The following ICMT variants were observed in gnomAD, a reference collection of about 807,000 sequenced individuals.
ICMT encodes protein-S-isoprenylcysteine O-methyltransferase.
In ICMT, 10 loss-of-function variants were observed where a neutral mutation model predicts 32.2. The ratio of observed to expected loss-of-function variants is 0.31; its 90% CI spans 0.19 to 0.53. ICMT has a LOEUF of 0.53. Among genes scored for constraint, ICMT ranks in the 20% least tolerant of loss-of-function variants. ICMT has a pLI of 0.96. For missense variants in ICMT, 265 were observed against 356.9 expected (o/e 0.74, Z 2.07); for synonymous variants, 183 against 158.2 (o/e 1.16, Z -1.18).
Position 6,231,936 on chromosome 1 carries a change from TAAG to T in ICMT, c.635_637del (p.Ser212del). On this transcript the variant is annotated inframe_deletion, in exon 4 of 5. Coordinates refer to ENST00000343813, the MANE Select transcript of ICMT (RefSeq NM_012405.4). ...AATACTCCAGTAAAACCACCCGACG[TAAG>T]AAGGATGCCGAAACCAAGCGTACAC... The T allele has an allele frequency of 1.9e-6, 3 of 1,596,656 alleles. No homozygotes were observed. Among genetic ancestry groups the T allele is most frequent in the Non-Finnish European group, 2.6e-6 (3 of 1,166,590 alleles).
chr1:6,230,361 C>CA (rs1469261981), intron 4 of ICMT, among the ~76,000 whole-genome samples: 1 of 152,158 alleles, frequency 6.6e-6, no homozygotes, highest in Non-Finnish European at 1.5e-5. Flanking sequence ...GTGACCCACC[C>CA]ACTTCAGCCT....
At chr1:6,229,783 T>TACACACACACAC (rs34741419) in intron 4 of ICMT, among the ~76,000 whole-genome samples, 3 of 146,592 alleles carry the variant, frequency 2.0e-5, no homozygotes, top group African/African-American at 7.7e-5. Context: ...ATAAAAAAAA[T>TACACACACACAC]ACACACACAC....
rs949883723 is a variant in ICMT at position 6,235,942 on chromosome 1, C to T, written c.-31G>A. 1.2e-4 allele frequency: 130 copies of T among 1,082,232 alleles called. 1 individual carries two copies. The highest frequency in any genetic ancestry group is 1.4e-4 in the Non-Finnish European group (123 of 889,552). 67.0% of individuals were successfully genotyped at this position (1,082,232 alleles called of 1,614,324 possible). On this transcript the variant is annotated 5_prime_UTR_variant, in exon 1 of 5. Transcript: ENST00000343813. ...CGGGCGGCGGACTAGCGGGCGGCGG[C>T]GCCGGCTGTAGCCCGGAGAAACGCG...
rs776422253 is a variant in ICMT at position 6,223,098 on chromosome 1, GTTTT to G, written c.*1978_*1981del. 1.3e-5 allele frequency: 2 copies of G among 152,048 alleles called. No individual in the cohort carries two copies. The highest frequency in any genetic ancestry group is 2.9e-5 in the Non-Finnish European group (2 of 68,052). The allele number at this position is 152,048 out of a possible 1,614,324, so 9.4% of individuals were successfully genotyped here. A position where few individuals can be genotyped will look rare whatever the true frequency, so the allele number is the denominator to read the frequency against. Reference sequence around the variant, plus strand: ...GAGGGCCGATGGGCAAGTCCGTCCGGTTTTTTTTGTTGTTGTTGTTGTTTTTTGA... The same window carrying G: ...GAGGGCCGATGGGCAAGTCCGTCCGGTTTTGTTGTTGTTGTTGTTTTTTGA... On this transcript the variant is annotated 3_prime_UTR_variant, in exon 5 of 5. Transcript: ENST00000343813.
At chr1:6,233,048 G>T (rs1429904376) in intron 3 of ICMT, among the ~76,000 whole-genome samples, 1 of 151,732 alleles carries the variant, frequency 6.6e-6, no homozygotes, top group East Asian at 1.9e-4. Context: ...TAGAGACGGG[G>T]TTTCACCATA....
At chr1:6,234,481 A>C (rs760235818) in intron 2 of ICMT, 1 of 494,640 alleles carries the variant, frequency 2.0e-6, no homozygotes, top group Admixed American at 2.1e-5. Context: ...GAAAAATCCT[A>C]CAGTGGCTGT....
intron 4 of ICMT, among the ~76,000 whole-genome samples, chr1:6,228,135 A>T: frequency 6.6e-6 from 1 of 152,210 alleles, no homozygotes; most frequent in East Asian, 1.9e-4. Flanking sequence ...TCTCATCTTT[A>T]ATACACAAAT....
At position 6,225,185 on chromosome 1, in the gene ICMT, T is replaced by C; in HGVS notation, c.750A>G (p.Glu250=). ...VWRFFRDRTE[E]EEISLIHFFG... ...AAAAGTGAATTAGTGAGATTTCTTC[T>C]TCTTCTGTTCGATCGCGGAAGAATC... is the stretch of plus-strand genomic sequence containing the variant. The change falls in exon 5 of 5, where the codon GAA becomes GAG. Residue 250 remains glutamate (E), a synonymous_variant. Coordinates refer to ENST00000343813, the MANE Select transcript of ICMT (RefSeq NM_012405.4). The C allele has an allele frequency of 6.2e-7, 1 of 1,614,174 alleles. No individual in the cohort carries two copies. The highest frequency in any genetic ancestry group is 8.5e-7 in the Non-Finnish European group (1 of 1,180,038).
At chr1:6,228,186 T>G (rs932722992) in intron 4 of ICMT, among the ~76,000 whole-genome samples, 5 of 152,192 alleles carry the variant, frequency 3.3e-5, no homozygotes, top group African/African-American at 1.2e-4. Context: ...GGTCTCACTC[T>G]GTTGCCCAGA....
At chr1:6,230,363 C>CT (rs1056734814) in intron 4 of ICMT, among the ~76,000 whole-genome samples, 2 of 152,200 alleles carry the variant, frequency 1.3e-5, no homozygotes, top group Admixed American at 1.3e-4. Flanking sequence ...GACCCACCCA[C>CT]TTCAGCCTCT....
chr1:6,235,333 A>C (rs1668804867), intron 1 of ICMT, among the ~76,000 whole-genome samples: 1 of 152,184 alleles, frequency 6.6e-6, no homozygotes, highest in South Asian at 2.1e-4. Flanking sequence ...GGGCTGTAGG[A>C]AAACTGCTTA....
chr1:6,223,573 T>A lies in ICMT; in HGVS notation c.*1507A>T, dbSNP rs960703509. ...GGTATCTGGCACAATTAACCAAATG[T>A]CTGCCCATTTTTGTGTAGCTTTCAT... is the stretch of plus-strand genomic sequence containing the variant. On this transcript the variant is annotated 3_prime_UTR_variant, in exon 5 of 5. Transcript: ENST00000343813. 4.6e-5 allele frequency: 7 copies of A among 152,330 alleles called. No individual in the cohort carries two copies. The highest frequency in any genetic ancestry group is 2.0e-4 in the Admixed American group (3 of 15,282). The allele number at this position is 152,330 out of a possible 1,614,324, so 9.4% of individuals were successfully genotyped here. A position where few individuals can be genotyped will look rare whatever the true frequency, so the allele number is the denominator to read the frequency against.
intron 4 of ICMT, among the ~76,000 whole-genome samples, chr1:6,225,542 C>T (rs1178924273): frequency 6.6e-6 from 1 of 152,116 alleles, no homozygotes; most frequent in Non-Finnish European, 1.5e-5. Flanking sequence ...AGCAATGCCC[C>T]CCACCTCCAG....
Position 6,232,073 on chromosome 1 carries a change from C to T in ICMT, c.501G>A (p.Val167=), listed in dbSNP as rs1207368169. 1 of 1,614,130 alleles carries T rather than the reference C, an allele frequency of 6.2e-7. No individual in the cohort carries two copies. Among genetic ancestry groups the T allele is most frequent in the East Asian group, 2.2e-5 (1 of 44,880 alleles). The change falls in exon 4 of 5, where the codon GTG becomes GTA. Residue 167 remains valine, a synonymous_variant. Transcript: ENST00000343813. ...CCTTCCTCAGACATTCTCCGAAGACCACCATCAGCAGCCCTGTGACACTGA... is the reference window on the plus strand; with the variant it reads ...CCTTCCTCAGACATTCTCCGAAGACTACCATCAGCAGCCCTGTGACACTGA... ...TWLSVTGLLM[V]VFGECLRKAA... is the part of the protein sequence containing the mutation.
chr1:6,235,635 C>G, intron 1 of ICMT, 82 bp downstream of exon 1: 13 of 969,850 alleles, frequency 1.3e-5, no homozygotes, highest in African/African-American at 1.7e-5. Flanking sequence ...ACTGCGGGCC[C>G]GGGGAGAAAG....
In ICMT at chr1:6,223,170, C is replaced by G. The variant is rs1187432969; in HGVS notation, c.*1910G>C. 3.3e-5 allele frequency: 5 copies of G among 152,118 alleles called. No homozygotes were observed. Among genetic ancestry groups the G allele is most frequent in the African/African-American group, 1.2e-4 (5 of 41,406 alleles). 9.4% of individuals were successfully genotyped at this position (152,118 alleles called of 1,614,324 possible). The stretch of plus-strand genomic sequence containing the variant: ...TTGCCCAGACTGAAGTGCAAAGGCC[C>G]GATCTCAACTCACTGCAACCTCCGC... On this transcript the variant is annotated 3_prime_UTR_variant, in exon 5 of 5. Coordinates refer to ENST00000343813, the MANE Select transcript of ICMT (RefSeq NM_012405.4).
intron 4 of ICMT, among the ~76,000 whole-genome samples, chr1:6,227,108 AGTAAGT>A (rs1282436715): frequency 1.3e-5 from 2 of 152,370 alleles, no homozygotes; most frequent in East Asian, 1.9e-4. Context: ...TTTTGTAAAC[AGTAAGT>A]GTAAGTATTA....
At chr1:6,226,977 A>G (rs541445941) in intron 4 of ICMT, among the ~76,000 whole-genome samples, 2 of 152,248 alleles carry the variant, frequency 1.3e-5, no homozygotes, top group Non-Finnish European at 1.5e-5. Context: ...CACATCTGGC[A>G]TAGCTTGCTG....
chr1:6,229,783 T>A (rs868681038), intron 4 of ICMT, among the ~76,000 whole-genome samples: 2 of 146,590 alleles, frequency 1.4e-5, no homozygotes, highest in Admixed American at 6.8e-5. Flanking sequence ...ATAAAAAAAA[T>A]ACACACACAC....
Sources: allele counts gnomAD v4.1 joint callset (sites outside exome capture counted in the v4.1 genomes callset), GRCh38; gene constraint gnomAD v4.1.1; transcripts MANE v1.5; gene names NCBI Gene and HGNC (gene_info 2026-07-23, HGNC 2026-07-21).